The following DNAI4 variants were observed in gnomAD, a reference collection of about 807,000 sequenced individuals.
DNAI4 encodes dynein axonemal intermediate chain 4.
Under a neutral mutation model 105.8 loss-of-function variants are expected in DNAI4, and 85 were observed. The ratio of observed to expected loss-of-function variants is 0.80; its 90% CI spans 0.67 to 0.96. The LOEUF (loss-of-function observed/expected upper bound fraction) is 0.96. DNAI4 is among the 40% of genes least tolerant of loss of function. The pLI is 0.00. For missense variants in DNAI4, 1,014 were observed against 1,005.6 expected (o/e 1.01, Z -0.11); for synonymous variants, 352 against 331.5 (o/e 1.06, Z -0.67).
At chr1:66,851,837 C>G (rs1203788801) in intron 7 of DNAI4, among the ~76,000 whole-genome samples, 1 of 151,258 alleles carries the variant, frequency 6.6e-6, no homozygotes, top group Admixed American at 6.6e-5. Flanking sequence ...GAAGGAAAGT[C>G]AAGTCAATAA....
Position 66,924,264 on chromosome 1 carries a change from G to A in DNAI4, c.170+398C>T, listed in dbSNP as rs1650917566. ...CGGCTTACTGCAACCTCCGCCTTCCGGGTTCAAGGGATTCTCCTGCCTCAG... is the reference window on the plus strand; with the variant it reads ...CGGCTTACTGCAACCTCCGCCTTCCAGGTTCAAGGGATTCTCCTGCCTCAG... On this transcript the variant is annotated intron_variant, in intron 1 of 16. Transcript: ENST00000371026. Among the ~76,000 whole-genome samples the A allele has an allele frequency of 2.0e-5, 3 of 152,174 alleles. No individual in the cohort carries two copies. The South Asian group carries it at 6.2e-4, about 32-fold the overall frequency.
chr1:66,833,956 G>C (rs752682736), intron 12 of DNAI4, 35 bp downstream of exon 12: 2 of 1,558,134 alleles, frequency 1.3e-6, no homozygotes, highest in East Asian at 4.5e-5. Flanking sequence ...AATTCAGCAC[G>C]TAACAAGAAA....
chr1:66,906,372 G>T (rs1416330147), intron 1 of DNAI4, among the ~76,000 whole-genome samples: 7 of 152,034 alleles, frequency 4.6e-5, no homozygotes, highest in African/African-American at 1.7e-4. Context: ...TATAAAATGG[G>T]GATGAGCCTC....
chr1:66,893,026 GAA>G (rs1219678528), intron 3 of DNAI4, among the ~76,000 whole-genome samples: 10 of 129,644 alleles, frequency 7.7e-5, no homozygotes, highest in African/African-American at 3.1e-4. Context: ...AAGAAAGAAA[GAA>G]AGAGAGGAAA....
At chr1:66,828,107 A>G in intron 13 of DNAI4, 197 bp from the exon 14 acceptor site, 1 of 330,266 alleles carries the variant, frequency 3.0e-6, no homozygotes, top group East Asian at 4.9e-5. Context: ...CTACTGTGCA[A>G]AAGAAAATAT....
intron 1 of DNAI4, among the ~76,000 whole-genome samples, chr1:66,912,263 G>A (rs897705598): frequency 4.0e-5 from 6 of 151,826 alleles, no homozygotes; most frequent in Non-Finnish European, 8.8e-5. Flanking sequence ...TTGAGGTCAG[G>A]AGTTTCAGAC....
intron 7 of DNAI4, chr1:66,848,335 A>G (rs1275955611): frequency 2.2e-6 from 1 of 450,306 alleles, no homozygotes; most frequent in Middle Eastern, 3.3e-4. Context: ...TTTACTTTTT[A>G]GTACCCCATG....
chr1:66,848,240 T>A (rs1187233897), intron 7 of DNAI4: 1 of 456,144 alleles, frequency 2.2e-6, no homozygotes, highest in Non-Finnish European at 4.4e-6. Flanking sequence ...TTCCTTCATC[T>A]TCAAAGACAG....
intron 6 of DNAI4, among the ~76,000 whole-genome samples, chr1:66,865,050 C>T (rs533596322): frequency 3.7e-4 from 57 of 152,146 alleles, no homozygotes; most frequent in African/African-American, 1.1e-3. Context: ...CTTCTGTTTG[C>T]GGTATATATT....
rs886768634 is a variant in DNAI4, at chr1:66,916,899, T to A, written c.170+7763A>T. ...AATGAAGATTTTTGCCTTTTTTTTT[T>A]AATTCCTTATCACTTTGGTTAAATG... On this transcript the variant is annotated intron_variant, in intron 1 of 16. Transcript: ENST00000371026. 4.6e-5 allele frequency among the ~76,000 whole-genome samples: 7 copies of A among 152,056 alleles called. No homozygotes were observed. The East Asian group carries it at 5.8e-4, about 13-fold the overall frequency.
chr1:66,905,508 T>C (rs575913884), intron 1 of DNAI4, 133 bp from the exon 2 acceptor site: 96 of 529,232 alleles, frequency 1.8e-4, no homozygotes, highest in Non-Finnish European at 2.5e-4. Context: ...ATGATAACTA[T>C]TTGAAATCTT....
At chr1:66,900,365 T>C (rs1648710434) in intron 2 of DNAI4, among the ~76,000 whole-genome samples, 1 of 152,102 alleles carries the variant, frequency 6.6e-6, no homozygotes, top group Non-Finnish European at 1.5e-5. Flanking sequence ...CCTCCCAAAG[T>C]GCTGGGATTA....
intron 7 of DNAI4, among the ~76,000 whole-genome samples, chr1:66,853,611 C>T (rs775660466): frequency 2.2e-4 from 34 of 152,172 alleles, no homozygotes; most frequent in Non-Finnish European, 4.4e-4. Context: ...ACTCTGATCT[C>T]GAACTTCTAG....
chr1:66,862,328 A>C, intron 6 of DNAI4, 26 bp from the exon 7 acceptor site: 2 of 1,592,410 alleles, frequency 1.3e-6, no homozygotes, highest in Non-Finnish European at 1.7e-6. Context: ...GAAAGGTAAA[A>C]ATTGTTTTAA....
chr1:66,881,357 T>A (rs999291387), intron 4 of DNAI4, among the ~76,000 whole-genome samples: 3 of 152,082 alleles, frequency 2.0e-5, no homozygotes, highest in African/African-American at 7.2e-5. Flanking sequence ...TGCCAACCCA[T>A]GAAAGCAGCC....
chr1:66,873,758 C>T (rs1646899263), intron 5 of DNAI4, among the ~76,000 whole-genome samples: 1 of 152,016 alleles, frequency 6.6e-6, no homozygotes, highest in Non-Finnish European at 1.5e-5. Context: ...TCACTGGTCT[C>T]CAGATCCATA....
intron 5 of DNAI4, 140 bp from the exon 6 acceptor site, chr1:66,871,649 CT>C: frequency 1.2e-6 from 1 of 835,368 alleles, no homozygotes; most frequent in Non-Finnish European, 1.8e-6. Flanking sequence ...CAAAAAAAGC[CT>C]TAGGAAAAGA....
At chr1:66,914,906 G>C (rs77624617) in intron 1 of DNAI4, among the ~76,000 whole-genome samples, 2 of 152,070 alleles carry the variant, frequency 1.3e-5, no homozygotes, top group African/African-American at 4.8e-5. Flanking sequence ...ATGCTTTTTC[G>C]AGTTTATGTA....
chr1:66,869,242 G>A (rs1375813475), intron 6 of DNAI4, among the ~76,000 whole-genome samples: 1 of 151,344 alleles, frequency 6.6e-6, no homozygotes, highest in Non-Finnish European at 1.5e-5. Context: ...CTTGATCTAG[G>A]CCATTTTAAA....
Sources: gnomAD v4.1 joint callset for allele counts (sites outside exome capture counted in the v4.1 genomes callset) on GRCh38, gnomAD v4.1.1 for gene constraint, MANE v1.5 for transcripts, NCBI Gene and HGNC (gene_info 2026-07-23, HGNC 2026-07-21) for gene names.